MTSS1: variants seen among roughly 807,000 people sequenced by gnomAD.
MTSS1 encodes the protein MTSS I-BAR domain containing 1, also known as protein MTSS 1.
MTSS1 carries 18 observed loss-of-function variants against 79.0 expected under a neutral mutation model. That is an observed-to-expected ratio of 0.23 (90% confidence interval 0.16 to 0.34). The LOEUF is 0.34. Among genes scored for constraint, MTSS1 ranks in the 10% least tolerant of loss-of-function variants. The probability of loss-of-function intolerance (pLI) is 1.00; values close to 1 mark genes in which losing one functional copy is unlikely to be tolerated. For missense variants in MTSS1, 815 were observed against 986.2 expected (o/e 0.83, Z 2.33); for synonymous variants, 341 against 368.6 (o/e 0.93, Z 0.86).
rs1833886427 is a variant in MTSS1 at position 124,727,469 on chromosome 8, T to C, written c.72+415A>G. ...GCGAGCGGGCAGAGCCCCCACTTCC[T>C]CCCCACCACCGCGCCAGGCGCCCCC... On this transcript the variant is annotated intron_variant, in intron 1 of 13. Coordinates refer to ENST00000518547, the MANE Select transcript of MTSS1 (RefSeq NM_014751.6). This position sits in a 1 kb window ranked among gnomAD's most constrained non-coding sequence, Gnocchi z 4.7. 3 of 440,316 alleles carry C rather than the reference T, an allele frequency of 6.8e-6. No individual in the cohort carries two copies. In the Admixed American group the frequency reaches 7.4e-5, roughly 11 times the overall value. The allele number at this position is 440,316 out of a possible 1,614,324, so 27.3% of individuals were successfully genotyped here.
At position 124,555,761 on chromosome 8, in the gene MTSS1, C is replaced by G; in HGVS notation, c.1548G>C (p.Glu516Asp). The G allele has an allele frequency of 1.2e-6, 2 of 1,611,868 alleles. No individual in the cohort carries two copies. The highest frequency in any genetic ancestry group is 1.7e-6 in the Non-Finnish European group (2 of 1,178,942). Residue 516 changes from glutamate to aspartate, a missense_variant, in exon 13 of 14, where the codon GAG becomes GAC. Physicochemically the swap from Glu to Asp is conservative, Grantham distance 45. Transcript: ENST00000518547. Reference protein sequence around the residue: ...STQTTTPCCSEDTIPSQVSDY... With the variant: ...STQTTTPCCSDDTIPSQVSDY... The stretch of plus-strand genomic sequence containing the variant: ...TCGTACCTTGGGAAGGGATGGTGTC[C>G]TCAGAGCAGCAGGGGGTGGTTGTCT...
intron 6 of MTSS1, among the ~76,000 whole-genome samples, chr8:124,570,712 T>C (rs1827582756): frequency 6.6e-6 from 1 of 152,150 alleles, no homozygotes; most frequent in Non-Finnish European, 1.5e-5. Context: ...CATAATTTTC[T>C]CCTTTTTGGA....
At chr8:124,705,941 T>C (rs887956188) in intron 1 of MTSS1, among the ~76,000 whole-genome samples, 1 of 152,166 alleles carries the variant, frequency 6.6e-6, no homozygotes, top group Non-Finnish European at 1.5e-5. Context: ...AGATGGCCCC[T>C]AGGGGACAAA....
intron 3 of MTSS1, among the ~76,000 whole-genome samples, chr8:124,696,404 CTG>C (rs1828828692): frequency 6.6e-6 from 1 of 152,010 alleles, no homozygotes; most frequent in Admixed American, 6.6e-5. Context: ...TCTCTTATCT[CTG>C]TAAAATATAC....
chr8:124,609,685 T>C (rs751655600), intron 3 of MTSS1, among the ~76,000 whole-genome samples: 1 of 152,222 alleles, frequency 6.6e-6, no homozygotes, highest in Non-Finnish European at 1.5e-5. Flanking sequence ...TCCACGGGCC[T>C]GTGTCCTTCA....
intron 1 of MTSS1, among the ~76,000 whole-genome samples, chr8:124,715,019 T>C (rs1025617409): frequency 3.3e-5 from 5 of 152,210 alleles, no homozygotes; most frequent in African/African-American, 9.6e-5. Flanking sequence ...ACATTAGATA[T>C]TGAACCTGAG....
Position 124,562,788 on chromosome 8 carries a change from G to A in MTSS1, c.1029C>T (p.Pro343=), listed in dbSNP as rs1484711676. The A allele has an allele frequency of 2.5e-6, 4 of 1,613,916 alleles. No homozygotes were observed. The highest frequency in any genetic ancestry group is 3.4e-6 in the Non-Finnish European group (4 of 1,179,868). The change falls in exon 10 of 14, where the codon CCC becomes CCT. Residue 343 remains proline, a synonymous_variant. Transcript: ENST00000518547. The stretch of plus-strand genomic sequence containing the variant: ...GAGCCAAGGGCACCCTTACCTGGTT[G>A]GGGGCCTCTGGCGGCATGGGGGATG... ...KSPSPMPPEA[P]NQLSNGFSHY... is the part of the protein sequence containing the mutation.
intron 3 of MTSS1, among the ~76,000 whole-genome samples, chr8:124,613,164 T>TAC: frequency 6.6e-6 from 1 of 152,286 alleles, no homozygotes; most frequent in South Asian, 2.1e-4. Context: ...AACAGGAGTA[T>TAC]ACCACAGAGG....
intron 3 of MTSS1, among the ~76,000 whole-genome samples, chr8:124,672,164 T>C (rs1824340321): frequency 6.6e-6 from 1 of 152,162 alleles, no homozygotes. Context: ...ACAAAGACAG[T>C]GTTAACACAT....
intron 3 of MTSS1, among the ~76,000 whole-genome samples, chr8:124,696,629 G>A (rs560945038): frequency 1.3e-5 from 2 of 152,230 alleles, no homozygotes; most frequent in South Asian, 4.1e-4. Flanking sequence ...GAGGCAGGTA[G>A]ATCATGAGGT....
intron 3 of MTSS1, among the ~76,000 whole-genome samples, chr8:124,606,385 G>C (rs1014228927): frequency 6.6e-6 from 1 of 152,028 alleles, no homozygotes; most frequent in Admixed American, 6.6e-5. Flanking sequence ...ATGATCTCAA[G>C]TGATCCACCT....
intron 3 of MTSS1, among the ~76,000 whole-genome samples, chr8:124,643,476 T>C (rs1818431888): frequency 6.6e-6 from 1 of 152,068 alleles, no homozygotes; most frequent in Non-Finnish European, 1.5e-5. Context: ...GGCAGGCAGA[T>C]CACCTGAGGT....
intron 3 of MTSS1, among the ~76,000 whole-genome samples, chr8:124,639,257 G>C (rs1371128790): frequency 2.0e-5 from 3 of 152,266 alleles, no homozygotes; most frequent in Admixed American, 1.3e-4. Flanking sequence ...AGAATCGCTT[G>C]AACCCAGGAG....
At chr8:124,636,483 T>C (rs1327207590) in intron 3 of MTSS1, among the ~76,000 whole-genome samples, 2 of 152,190 alleles carry the variant, frequency 1.3e-5, no homozygotes, top group African/African-American at 2.4e-5. Context: ...CTCTAAATAC[T>C]AGGAAAATGT....
chr8:124,602,207 A>ATATATACATATATATATATACACATATAT, intron 3 of MTSS1, among the ~76,000 whole-genome samples: 1 of 142,224 alleles, frequency 7.0e-6, no homozygotes, highest in African/African-American at 2.7e-5. Context: ...ATATATATAT[A>ATATATACATATATATATATACACATATAT]ATTTTTTTTT....
chr8:124,577,572 T>C (rs773829248), intron 6 of MTSS1: 12 of 518,868 alleles, frequency 2.3e-5, no homozygotes, highest in East Asian at 1.1e-4. Flanking sequence ...CAGACATCTA[T>C]GGATTCAGGT....
chr8:124,601,372 T>A lies in MTSS1; in HGVS notation c.209-10137A>T, dbSNP rs556996856. ...CCACTGTGCCCAGCCCCCTTGACTG[T>A]TAATTTTTATATTTCAGAGCTCACA... On this transcript the variant is annotated intron_variant, in intron 3 of 13. Coordinates refer to ENST00000518547, the MANE Select transcript of MTSS1 (RefSeq NM_014751.6). Among the ~76,000 whole-genome samples the A allele has an allele frequency of 2.8e-4, 42 of 152,232 alleles. No homozygotes were observed. The South Asian group carries it at 6.8e-3, about 25-fold the overall frequency.
At chr8:124,666,598 T>C (rs536172546) in intron 3 of MTSS1, among the ~76,000 whole-genome samples, 1 of 151,948 alleles carries the variant, frequency 6.6e-6, no homozygotes, top group Non-Finnish European at 1.5e-5. Context: ...GAAAACTGAG[T>C]GACTATGTAC....
Position 124,556,392 on chromosome 8 carries a change from G to A in MTSS1, c.1244C>T (p.Pro415Leu). The A allele has an allele frequency of 1.2e-6, 2 of 1,613,110 alleles. No individual in the cohort carries two copies. Among genetic ancestry groups the A allele is most frequent in the Non-Finnish European group, 1.7e-6 (2 of 1,179,488 alleles). Reference sequence around the variant, plus strand: ...CACCAGAGGCTGGTCATAGGGCCCAGGCTTAGCCCAGTCCTATGCAAAACA... The same window carrying A: ...CACCAGAGGCTGGTCATAGGGCCCAAGCTTAGCCCAGTCCTATGCAAAACA... ...QIPSWKDWAK[P>L]GPYDQPLVNT... Residue 415 changes from proline to leucine, a missense_variant, in exon 12 of 14, where the codon CCT becomes CTT. Physicochemically the swap from Pro to Leu is moderately conservative, Grantham distance 98. Transcript: ENST00000518547.
Sources: allele counts gnomAD v4.1 joint callset (sites outside exome capture counted in the v4.1 genomes callset), GRCh38; gene constraint gnomAD v4.1.1; non-coding constraint Gnocchi (gnomAD v3.1); transcripts MANE v1.5; gene names NCBI Gene and HGNC (gene_info 2026-07-23, HGNC 2026-07-21).